QTGAL: variants seen among roughly 807,000 people sequenced by gnomAD.
QTGAL encodes the protein BGnT-like protein 1.
At chr17:83,019,078 G>A in the QTGAL span, among the ~76,000 whole-genome samples, 2 of 152,160 alleles carry the variant, frequency 1.3e-5, no homozygotes, top group Admixed American at 6.5e-5. Flanking sequence ...TGACGCCGCC[G>A]GAATGGAAGT....
the QTGAL span, among the ~76,000 whole-genome samples, chr17:82,959,550 G>T: frequency 3.3e-5 from 5 of 152,002 alleles, no homozygotes; most frequent in Non-Finnish European, 7.4e-5. Context: ...CAGCCTCGCC[G>T]GGTTTTGGCA....
At chr17:83,048,583 C>G in the QTGAL span, 11 of 1,611,160 alleles carry the variant, frequency 6.8e-6, no homozygotes, top group Non-Finnish European at 8.5e-7. Flanking sequence ...GAAAGCAGAA[C>G]ACTGGCAGGT....
chr17:83,015,646 C>T, the QTGAL span, among the ~76,000 whole-genome samples: 7 of 152,208 alleles, frequency 4.6e-5, no homozygotes, highest in East Asian at 1.9e-4. This position sits in a 1 kb window ranked among gnomAD's most constrained non-coding sequence, Gnocchi z 4.4. Flanking sequence ...GCTGGTGCCG[C>T]GCCATGGACC....
chr17:82,965,062 G>T, the QTGAL span, among the ~76,000 whole-genome samples: 1 of 142,702 alleles, frequency 7.0e-6, no homozygotes, highest in Non-Finnish European at 1.5e-5. Flanking sequence ...ATGGACGCCT[G>T]CAGGTGCACC....
chr17:83,005,923 C>T, the QTGAL span: 1 of 1,285,396 alleles, frequency 7.8e-7, no homozygotes, highest in South Asian at 2.2e-5. The surrounding 1 kb of genome is among the most constrained non-coding windows in gnomAD (Gnocchi z 5.6). Flanking sequence ...AGCCCTGGCT[C>T]TGTTCTGCTC....
At chr17:83,006,232 G>A in the QTGAL span, 1 of 985,644 alleles carries the variant, frequency 1.0e-6, no homozygotes, top group Middle Eastern at 5.2e-4. The surrounding 1 kb of genome is among the most constrained non-coding windows in gnomAD (Gnocchi z 5.8). Context: ...ACTCTGAAGC[G>A]ATGAAGTCAC....
the QTGAL span, among the ~76,000 whole-genome samples, chr17:82,953,690 GAC>G: frequency 1.3e-5 from 2 of 152,040 alleles, no homozygotes; most frequent in Non-Finnish European, 1.5e-5. Context: ...ACCTGGCAGA[GAC>G]ACAACAAAAA....
the QTGAL span, chr17:83,014,374 C>CTA: frequency 6.7e-7 from 1 of 1,482,990 alleles, no homozygotes; most frequent in Admixed American, 1.8e-5. Flanking sequence ...CTTTCCACCC[C>CTA]TAGGAAAACT....
chr17:83,029,687 C>T, the QTGAL span, among the ~76,000 whole-genome samples: 6 of 152,278 alleles, frequency 3.9e-5, no homozygotes, highest in Admixed American at 6.5e-5. Flanking sequence ...CAGGACACAG[C>T]GCGTCTGCAC....
At chr17:83,018,081 G>A in the QTGAL span, among the ~76,000 whole-genome samples, 4 of 68,652 alleles carry the variant, frequency 5.8e-5, no homozygotes, top group South Asian at 6.1e-4. Context: ...CGTGCTCCGT[G>A]AACACCGTGC....
the QTGAL span, among the ~76,000 whole-genome samples, chr17:83,038,365 T>C: frequency 6.6e-6 from 1 of 152,242 alleles, no homozygotes; most frequent in Non-Finnish European, 1.5e-5. Flanking sequence ...GGATTGTTTT[T>C]ATTATTGGCA....
the QTGAL span, among the ~76,000 whole-genome samples, chr17:83,043,158 C>G: frequency 6.6e-6 from 1 of 152,170 alleles, no homozygotes. Context: ...TTGAACAATA[C>G]TATAAACCAA....
chr17:82,951,969 G>A, the QTGAL span, among the ~76,000 whole-genome samples: 4 of 152,202 alleles, frequency 2.6e-5, no homozygotes, highest in South Asian at 8.3e-4. Context: ...ACGTGGAGAT[G>A]GGGAGACGTG....
At chr17:83,018,579 G>C in the QTGAL span, among the ~76,000 whole-genome samples, 2 of 152,106 alleles carry the variant, frequency 1.3e-5, no homozygotes, top group Admixed American at 1.3e-4. Context: ...AATACCCAAA[G>C]TCTCGTAGCA....
chr17:82,972,568 A>G, the QTGAL span, among the ~76,000 whole-genome samples: 38 of 79,284 alleles, frequency 4.8e-4, no homozygotes, highest in African/African-American at 1.3e-3. Context: ...AGGACCTGGT[A>G]CTGACCACAC....
At chr17:83,018,249 T>C in the QTGAL span, among the ~76,000 whole-genome samples, 1,649 of 98,112 alleles carry the variant, frequency 0.017, 3 homozygotes, top group Middle Eastern at 0.022. Flanking sequence ...ACAAACACGG[T>C]GTGCCTGTAT....
chr17:82,970,544 G>GGCGTGGCCGCGACCTCCC, the QTGAL span, among the ~76,000 whole-genome samples: 33 of 90,764 alleles, frequency 3.6e-4, no homozygotes, highest in Non-Finnish European at 4.3e-4. Flanking sequence ...CGCGACCTCC[G>GGCGTGGCCGCGACCTCCC]CACCCGGCGT....
At chr17:83,008,605 G>C in the QTGAL span, among the ~76,000 whole-genome samples, 37 of 152,280 alleles carry the variant, frequency 2.4e-4, no homozygotes, top group African/African-American at 8.9e-4. Flanking sequence ...CCTCAAATCT[G>C]GGGTCAGCAT....
the QTGAL span, among the ~76,000 whole-genome samples, chr17:82,972,164 C>CAG: frequency 1.8e-3 from 26 of 14,378 alleles, no homozygotes; most frequent in Admixed American, 2.0e-3. Flanking sequence ...CACCACACCA[C>CAG]GGGCCAGAAG....
Sources: allele counts gnomAD v4.1 joint callset (sites outside exome capture counted in the v4.1 genomes callset), GRCh38; gene constraint gnomAD v4.1.1; non-coding constraint Gnocchi (gnomAD v3.1); transcripts MANE v1.5; gene names NCBI Gene and HGNC (gene_info 2026-07-23, HGNC 2026-07-21).